The following CACNA1E variants were observed in gnomAD, a reference collection of about 807,000 sequenced individuals.
The protein encoded by CACNA1E is calcium voltage-gated channel subunit alpha1 E.
In CACNA1E, 40 loss-of-function variants were observed where a neutral mutation model predicts 259.2. That is an observed-to-expected ratio of 0.15 (90% CI 0.12 to 0.20). The LOEUF is 0.20. Ranked by LOEUF, CACNA1E falls within the 10% of genes least tolerant of loss-of-function variation. The probability of loss-of-function intolerance (pLI) is 1.00; values close to 1 mark genes in which losing one functional copy is unlikely to be tolerated. For synonymous variants in CACNA1E, 1,104 were observed against 1,138.5 expected, an observed-to-expected ratio of 0.97 and a Z score of 0.61; for missense variants, 1,874 against 3,040.1, an observed-to-expected ratio of 0.62 and a Z score of 9.02.
At chr1:181,731,287 T>C in intron 19 of CACNA1E, 56 bp downstream of exon 19, 1 of 1,378,332 alleles carries the variant, frequency 7.3e-7, no homozygotes, top group South Asian at 1.2e-5. Context: ...CGTGGGACAA[T>C]GTGTCATTGT....
intron 7 of CACNA1E, among the ~76,000 whole-genome samples, chr1:181,705,869 T>C (rs1652746965): frequency 6.6e-6 from 1 of 152,208 alleles, no homozygotes; most frequent in African/African-American, 2.4e-5. Flanking sequence ...GCAAGGTGAC[T>C]GTCCAGTTTG....
chr1:181,620,430 A>G lies in CACNA1E; in HGVS notation c.952-30908A>G, dbSNP rs146334969. Among the ~76,000 whole-genome samples the G allele has an allele frequency of 2.3e-4, 35 of 152,300 alleles. 1 individual carries two copies. In the East Asian group the frequency reaches 5.8e-3, roughly 25 times the overall value. ...GTTGAGACATGGGCATACACGTGCA[A>G]TTGAATTCATTTCTTGTTTTTCTTG... is the stretch of plus-strand genomic sequence containing the variant. On this transcript the variant is annotated intron_variant, in intron 6 of 47. Transcript: ENST00000367573.
intron 1 of CACNA1E, among the ~76,000 whole-genome samples, chr1:181,343,341 G>A (rs1030717504): frequency 3.3e-5 from 5 of 152,084 alleles, no homozygotes; most frequent in African/African-American, 1.2e-4. Flanking sequence ...CATAAGGATC[G>A]ATTCCTCATG....
intron 6 of CACNA1E, among the ~76,000 whole-genome samples, chr1:181,644,237 G>A (rs2102020364): frequency 6.6e-6 from 1 of 152,306 alleles, no homozygotes; most frequent in Non-Finnish European, 1.5e-5. Context: ...AAGCAGACAT[G>A]AAGAGTCAAG....
intron 1 of CACNA1E, among the ~76,000 whole-genome samples, chr1:181,491,272 A>G (rs951884906): frequency 6.6e-6 from 1 of 152,214 alleles, no homozygotes; most frequent in African/African-American, 2.4e-5. Flanking sequence ...GATGTCAGAC[A>G]TAGGCGGTCT....
chr1:181,623,183 C>G (rs910813682), intron 6 of CACNA1E, among the ~76,000 whole-genome samples: 1 of 152,178 alleles, frequency 6.6e-6, no homozygotes, highest in Non-Finnish European at 1.5e-5. Flanking sequence ...CCAGAAGGCT[C>G]TCCCTAACTA....
chr1:181,484,111 C>A (rs896083553), intron 1 of CACNA1E, 101 bp downstream of exon 1: 3 of 1,198,746 alleles, frequency 2.5e-6, no homozygotes, highest in Admixed American at 1.8e-5. Flanking sequence ...CTTCCTGGTG[C>A]CAATTTGCCC....
At chr1:181,779,571 C>A in intron 38 of CACNA1E, 1 of 426,678 alleles carries the variant, frequency 2.3e-6, no homozygotes, top group Non-Finnish European at 4.7e-6. Flanking sequence ...CATGATCTGC[C>A]GTGGGATGCA....
intron 38 of CACNA1E, among the ~76,000 whole-genome samples, chr1:181,779,704 T>C (rs568942748): frequency 3.9e-5 from 6 of 152,196 alleles, no homozygotes; most frequent in African/African-American, 1.2e-4. Flanking sequence ...AGCTGTTACA[T>C]AAAGATAAGG....
intron 2 of CACNA1E, among the ~76,000 whole-genome samples, chr1:181,444,826 G>C (rs768464840): frequency 6.6e-6 from 1 of 152,140 alleles, no homozygotes; most frequent in Admixed American, 6.5e-5. Context: ...TCACCGCCAT[G>C]ATGAGTGCTC....
At chr1:181,384,511 C>T (rs1042178955) in intron 1 of CACNA1E, among the ~76,000 whole-genome samples, 5 of 152,164 alleles carry the variant, frequency 3.3e-5, no homozygotes, top group Admixed American at 2.6e-4. Context: ...ACTCAGGGTT[C>T]TCGTTTCTTC....
chr1:181,558,010 C>T (rs1471710882), intron 3 of CACNA1E, among the ~76,000 whole-genome samples: 1 of 152,112 alleles, frequency 6.6e-6, no homozygotes, highest in Non-Finnish European at 1.5e-5. Context: ...ATACAATTGT[C>T]CAGAATAACT....
chr1:181,604,945 TGA>T (rs1461655653), intron 6 of CACNA1E, among the ~76,000 whole-genome samples: 1 of 152,096 alleles, frequency 6.6e-6, no homozygotes, highest in African/African-American at 2.4e-5. Flanking sequence ...GTGGGAGACA[TGA>T]GAGAGGCCTC....
chr1:181,353,379 C>T (rs1653184086), intron 1 of CACNA1E, among the ~76,000 whole-genome samples: 1 of 152,142 alleles, frequency 6.6e-6, no homozygotes, highest in African/African-American at 2.4e-5. Flanking sequence ...GCAGGGGGAT[C>T]TGAGAACACA....
At chr1:181,441,127 T>C (rs571714179) in intron 2 of CACNA1E, among the ~76,000 whole-genome samples, 1 of 151,076 alleles carries the variant, frequency 6.6e-6, no homozygotes, top group South Asian at 2.2e-4. Flanking sequence ...ATCCTTATCA[T>C]CTTTAATCGG....
chr1:181,426,671 AAT>A, intron 2 of CACNA1E, among the ~76,000 whole-genome samples: 1 of 124,266 alleles, frequency 8.0e-6, no homozygotes, highest in Non-Finnish European at 1.7e-5. Flanking sequence ...ACCCCTTTAC[AAT>A]TCAACCCCTT....
chr1:181,543,651 AT>A, intron 3 of CACNA1E, among the ~76,000 whole-genome samples: 1 of 152,318 alleles, frequency 6.6e-6, no homozygotes, highest in African/African-American at 2.4e-5. Context: ...GATCTTGGAC[AT>A]CCCAGCCTCC....
In CACNA1E at chr1:181,798,122, T is replaced by C. The variant is rs1449956684; in HGVS notation, c.6400-170T>C. ...ATGTCCTGGTCTAAATGTTCTTGAC[T>C]CCTTAATCTCTTCAATCCCTTTTTC... On this transcript the variant is annotated intron_variant, in intron 47 of 47. Transcript: ENST00000367573. The surrounding 1 kb of genome is among the most constrained non-coding windows in gnomAD (Gnocchi z 4.2). 2.0e-5 allele frequency among the ~76,000 whole-genome samples: 3 copies of C among 152,194 alleles called. No homozygotes were observed. The highest frequency in any genetic ancestry group is 7.2e-5 in the African/African-American group (3 of 41,436).
At chr1:181,641,431 G>A (rs534301896) in intron 6 of CACNA1E, among the ~76,000 whole-genome samples, 1 of 152,196 alleles carries the variant, frequency 6.6e-6, no homozygotes, top group African/African-American at 2.4e-5. Context: ...GCAGCCCACT[G>A]TGGCCTTAGC....
Sources: gnomAD v4.1 joint callset for allele counts (sites outside exome capture counted in the v4.1 genomes callset) on GRCh38, gnomAD v4.1.1 for gene constraint, Gnocchi (gnomAD v3.1) non-coding constraint, MANE v1.5 for transcripts, NCBI Gene and HGNC (gene_info 2026-07-23, HGNC 2026-07-21) for gene names.